Variants in PLD5 observed in about 807,000 individuals in gnomAD.
The protein encoded by PLD5 is inactive phospholipase D5.
In PLD5, 36 loss-of-function variants were observed where a neutral mutation model predicts 61.1. The observed-to-expected ratio is 0.59, with a 90% CI of 0.45 to 0.78. The LOEUF (loss-of-function observed/expected upper bound fraction) is 0.78. Among genes scored for constraint, PLD5 ranks in the 30% least tolerant of loss-of-function variants. The pLI is 0.00. For synonymous variants in PLD5, 243 were observed against 242.8 expected, an observed-to-expected ratio of 1.00 and a Z score of -0.01; for missense variants, 515 against 644.4, an observed-to-expected ratio of 0.80 and a Z score of 2.17.
At chr1:242,333,984 T>C (rs1053089552) in intron 2 of PLD5, among the ~76,000 whole-genome samples, 1 of 152,186 alleles carries the variant, frequency 6.6e-6, no homozygotes, top group African/African-American at 2.4e-5. Context: ...CTCTTTGATA[T>C]ATTGATTCCC....
intron 4 of PLD5, 76 bp from the exon 5 acceptor site, chr1:242,220,191 A>G: frequency 6.4e-7 from 1 of 1,550,942 alleles, no homozygotes; most frequent in East Asian, 2.3e-5. Flanking sequence ...ACCAGTGGAA[A>G]TATTCATGGT....
chr1:242,254,512 A>T (rs1299479176), intron 4 of PLD5, among the ~76,000 whole-genome samples: 1 of 152,184 alleles, frequency 6.6e-6, no homozygotes, highest in African/African-American at 2.4e-5. Flanking sequence ...TCTACCAAAA[A>T]TACAAAAATT....
chr1:242,348,607 A>T (rs1014364822), intron 1 of PLD5, among the ~76,000 whole-genome samples: 68 of 152,232 alleles, frequency 4.5e-4, no homozygotes, highest in African/African-American at 1.6e-3. Context: ...GTCAATAAAA[A>T]CAGTCAGACT....
intron 2 of PLD5, among the ~76,000 whole-genome samples, chr1:242,322,533 T>C (rs753733651): frequency 1.3e-5 from 2 of 152,220 alleles, no homozygotes; most frequent in Non-Finnish European, 1.5e-5. Context: ...CTATGTGATA[T>C]GGTTTGGTTC....
chr1:242,249,798 C>T (rs1455328226), intron 4 of PLD5, among the ~76,000 whole-genome samples: 1 of 152,160 alleles, frequency 6.6e-6, no homozygotes, highest in Admixed American at 6.5e-5. Flanking sequence ...GAAACATTAA[C>T]CAAAGTAGTC....
intron 4 of PLD5, among the ~76,000 whole-genome samples, chr1:242,241,881 A>C (rs1209607442): frequency 1.3e-4 from 4 of 29,656 alleles, no homozygotes; most frequent in African/African-American, 5.1e-4. Flanking sequence ...ATATATATAT[A>C]TATATATATA....
chr1:242,472,763 T>A (rs1180958824), intron 1 of PLD5, among the ~76,000 whole-genome samples: 2 of 152,188 alleles, frequency 1.3e-5, no homozygotes, highest in African/African-American at 4.8e-5. Context: ...TCTAAAATAT[T>A]TTCTTTTTCT....
chr1:242,303,063 C>T (rs1676154403), intron 2 of PLD5, among the ~76,000 whole-genome samples: 1 of 152,156 alleles, frequency 6.6e-6, no homozygotes, highest in South Asian at 2.1e-4. Flanking sequence ...GCCATCCTGA[C>T]ACACCAGAAT....
intron 2 of PLD5, among the ~76,000 whole-genome samples, chr1:242,297,636 T>C: frequency 7.8e-6 from 1 of 128,626 alleles, no homozygotes; most frequent in African/African-American, 3.6e-5. Flanking sequence ...TTTTTTTTTT[T>C]TTTTTTTTTT....
chr1:242,185,418 A>G (rs1574473669), intron 5 of PLD5, among the ~76,000 whole-genome samples: 1 of 152,118 alleles, frequency 6.6e-6, no homozygotes, highest in Non-Finnish European at 1.5e-5. Context: ...CATTATGACC[A>G]GGAATATTAA....
intron 1 of PLD5, among the ~76,000 whole-genome samples, chr1:242,471,896 T>C (rs887866502): frequency 3.3e-5 from 5 of 152,214 alleles, no homozygotes; most frequent in Non-Finnish European, 5.9e-5. Context: ...TATGGAGTAT[T>C]TGAAAGCAAT....
Position 242,348,074 on chromosome 1 carries a change from C to T in PLD5, c.326+32G>A, listed in dbSNP as rs542726850. On this transcript the variant is annotated intron_variant, in intron 2 of 9. Transcript: ENST00000536534. Reference sequence around the variant, plus strand: ...CCTCTTTGGATTTCTTGCCCGCCCCCTAAAAGAGAATTTTTGTTTGTTACC... The same window carrying T: ...CCTCTTTGGATTTCTTGCCCGCCCCTTAAAAGAGAATTTTTGTTTGTTACC... 36 of 1,609,194 alleles carry T rather than the reference C, an allele frequency of 2.2e-5. No homozygotes were observed. The African/African-American group carries it at 3.9e-4, about 17-fold the overall frequency.
intron 2 of PLD5, among the ~76,000 whole-genome samples, chr1:242,298,765 A>G (rs1364620773): frequency 6.6e-6 from 1 of 152,180 alleles, no homozygotes; most frequent in African/African-American, 2.4e-5. Context: ...CACTCTGCCA[A>G]TCTTACTGAC....
intron 5 of PLD5, among the ~76,000 whole-genome samples, chr1:242,198,776 C>G (rs1463763217): frequency 1.3e-5 from 2 of 151,832 alleles, no homozygotes; most frequent in Admixed American, 1.3e-4. Context: ...CACTCGTTGC[C>G]CAGGCTGGAG....
chr1:242,478,215 A>C (rs1473872523), intron 1 of PLD5, among the ~76,000 whole-genome samples: 1 of 152,176 alleles, frequency 6.6e-6, no homozygotes, highest in Non-Finnish European at 1.5e-5. Context: ...ATCACCATCA[A>C]TGGGCTCTCG....
At chr1:242,161,538 A>C (rs982871030) in intron 5 of PLD5, among the ~76,000 whole-genome samples, 4 of 152,162 alleles carry the variant, frequency 2.6e-5, no homozygotes, top group African/African-American at 9.7e-5. Flanking sequence ...TATATTATAA[A>C]AATTAACATA....
rs1659337298 is a variant in PLD5 at position 242,083,428 on chromosome 1, A to G, written c.*6426T>C. ...GTAGAGAGCTCACATGGCAGAAAAC[A>G]TGGTTTTGCTCCTGCAGGAGCTGTG... On this transcript the variant is annotated 3_prime_UTR_variant, in exon 10 of 10. Transcript: ENST00000536534. 1 of 152,170 alleles carries G rather than the reference A, an allele frequency of 6.6e-6. No individual in the cohort carries two copies. Among genetic ancestry groups the G allele is most frequent in the Non-Finnish European group, 1.5e-5 (1 of 68,042 alleles). 9.4% of individuals were successfully genotyped at this position (152,170 alleles called of 1,614,324 possible). A position where few individuals can be genotyped will look rare whatever the true frequency, so the allele number is the denominator to read the frequency against.
chr1:242,129,480 A>G (rs1663062686), intron 5 of PLD5, among the ~76,000 whole-genome samples: 1 of 152,224 alleles, frequency 6.6e-6, no homozygotes, highest in East Asian at 1.9e-4. Context: ...TTTGTTTTGC[A>G]GCTTTTTCGC....
At chr1:242,469,771 G>T (rs191147075) in intron 1 of PLD5, among the ~76,000 whole-genome samples, 2 of 152,206 alleles carry the variant, frequency 1.3e-5, no homozygotes, top group East Asian at 3.9e-4. Context: ...GAACATGCAC[G>T]AACCCCTGCC....
Sources: allele counts gnomAD v4.1 joint callset (sites outside exome capture counted in the v4.1 genomes callset), GRCh38; gene constraint gnomAD v4.1.1; transcripts MANE v1.5; gene names NCBI Gene and HGNC (gene_info 2026-07-23, HGNC 2026-07-21).